The following UFM1 variants were observed in gnomAD, a reference collection of about 807,000 sequenced individuals.
UFM1 encodes the protein ubiquitin fold modifier 1.
Under a neutral mutation model 15.4 loss-of-function variants are expected in UFM1, and 9 were observed. The ratio of observed to expected loss-of-function variants is 0.59; its 90% CI spans 0.35 to 1.02. UFM1 has a LOEUF of 1.02. UFM1 is among the 50% of genes least tolerant of loss of function. The pLI, the probability that UFM1 is intolerant of heterozygous loss-of-function variation, is 0.02. For synonymous variants in UFM1, 27 were observed against 36.3 expected, an observed-to-expected ratio of 0.74 and a Z score of 0.92; for missense variants, 98 against 104.7, an observed-to-expected ratio of 0.94 and a Z score of 0.28.
At position 38,363,251 on chromosome 13, in the gene UFM1, A is replaced by C. The variant is rs768364129; in HGVS notation, c.*2473A>C. On this transcript the variant is annotated 3_prime_UTR_variant, in exon 6 of 6. Transcript: ENST00000239878. ...TCTATGTTTGGATACACAAGTACTT[A>C]CCATCATTTTACAGTTGTTTACAGT... 2 of 152,224 alleles carry C rather than the reference A, an allele frequency of 1.3e-5. No homozygotes were observed. The highest frequency in any genetic ancestry group is 2.9e-5 in the Non-Finnish European group (2 of 68,034). 9.4% of individuals were successfully genotyped at this position (152,224 alleles called of 1,614,324 possible).
rs1311860804 is a variant in UFM1 at position 38,361,374 on chromosome 13, CT to C, written c.*598del. On this transcript the variant is annotated 3_prime_UTR_variant, in exon 6 of 6. Coordinates refer to ENST00000239878, the MANE Select transcript of UFM1 (RefSeq NM_016617.4). ...AAAAAATTAAAATTTTAATCTAACC[CT>C]TATGTGTATAAATTGGTGTCCCATA... The C allele has an allele frequency of 6.6e-6, 1 of 151,932 alleles. No individual in the cohort carries two copies. The highest frequency in any genetic ancestry group is 1.5e-5 in the Non-Finnish European group (1 of 67,984). The allele number at this position is 151,932 out of a possible 1,614,324, so 9.4% of individuals were successfully genotyped here. A position where few individuals can be genotyped will look rare whatever the true frequency, so the allele number is the denominator to read the frequency against.
At chr13:38,360,074 GA>G in intron 5 of UFM1, 1 of 390,398 alleles carries the variant, frequency 2.6e-6, no homozygotes, top group Non-Finnish European at 5.1e-6. Flanking sequence ...TAAAGAAAAT[GA>G]AGTGATTTAA....
At chr13:38,359,240 C>T in intron 4 of UFM1, 61 bp from the exon 5 acceptor site, 3 of 1,539,794 alleles carry the variant, frequency 1.9e-6, no homozygotes, top group South Asian at 1.2e-5. Context: ...TCTTTCCTTG[C>T]TACTATTTAA....
intron 4 of UFM1, 106 bp downstream of exon 4, chr13:38,358,238 A>C: frequency 1.7e-6 from 1 of 581,780 alleles, no homozygotes; most frequent in South Asian, 3.5e-5. Flanking sequence ...GTATATGTAT[A>C]TCAACATAAA....
chr13:38,356,701 CAAAAA>C (rs35105286), intron 3 of UFM1, among the ~76,000 whole-genome samples: 1 of 107,934 alleles, frequency 9.3e-6, no homozygotes, highest in Non-Finnish European at 1.8e-5. Context: ...TTAGTACCAC[CAAAAA>C]AAAAAAAAAA....
At chr13:38,354,372 G>A (rs984359680) in intron 3 of UFM1, 76 bp downstream of exon 3, 3 of 1,327,520 alleles carry the variant, frequency 2.3e-6, no homozygotes, top group Non-Finnish European at 2.1e-6. Context: ...AGAGTTGCAT[G>A]CACTTTGACC....
At chr13:38,350,286 G>A in intron 2 of UFM1, 1 of 1,521,302 alleles carries the variant, frequency 6.6e-7, no homozygotes, top group Admixed American at 1.9e-5. Context: ...GAGGGTGTGG[G>A]TGTGTTTCTG....
chr13:38,356,101 T>G (rs1345540846), intron 3 of UFM1, among the ~76,000 whole-genome samples: 1 of 151,872 alleles, frequency 6.6e-6, no homozygotes, highest in Non-Finnish European at 1.5e-5. Flanking sequence ...AAGGAATAGA[T>G]TCTACATTTT....
At chr13:38,356,521 C>T (rs890872405) in intron 3 of UFM1, among the ~76,000 whole-genome samples, 6 of 151,640 alleles carry the variant, frequency 4.0e-5, no homozygotes, top group African/African-American at 1.5e-4. Context: ...TTAATTTGTA[C>T]ATAATACTAT....
rs1309371188 is a variant in UFM1, at chr13:38,362,873, ACATT to A, written c.*2096_*2099del. 1 of 152,196 alleles carries A rather than the reference ACATT, an allele frequency of 6.6e-6. No individual in the cohort carries two copies. Among genetic ancestry groups the A allele is most frequent in the African/African-American group, 2.4e-5 (1 of 41,452 alleles). The allele number at this position is 152,196 out of a possible 1,614,324, so 9.4% of individuals were successfully genotyped here. On this transcript the variant is annotated 3_prime_UTR_variant, in exon 6 of 6. Coordinates refer to ENST00000239878, the MANE Select transcript of UFM1 (RefSeq NM_016617.4). ...TAAAAACATTTTATTAAACAAGTAG[ACATT>A]TTGTTATTAAAAAAATGTGATCTGT... is the stretch of plus-strand genomic sequence containing the variant.
chr13:38,349,982 C>T lies in UFM1; in HGVS notation c.3-17C>T, dbSNP rs755446233. On this transcript the variant is annotated splice_polypyrimidine_tract_variant and intron_variant, in intron 1 of 5. Transcript: ENST00000239878. Reference sequence around the variant, plus strand: ...TCCAGCTGCCCGACCCTGACTCTCTCCCGCTCTTTTCCTCAGGTCGAAGGT... The same window carrying T: ...TCCAGCTGCCCGACCCTGACTCTCTTCCGCTCTTTTCCTCAGGTCGAAGGT... 1.2e-6 allele frequency: 2 copies of T among 1,613,950 alleles called. No homozygotes were observed. The highest frequency in any genetic ancestry group is 1.3e-5 in the African/African-American group (1 of 74,930).
intron 2 of UFM1, chr13:38,350,300 AG>A: frequency 6.9e-7 from 1 of 1,451,592 alleles, no homozygotes; most frequent in Non-Finnish European, 9.4e-7. Context: ...GTTTCTGATT[AG>A]TGACCTCCCC....
At chr13:38,357,408 C>A (rs545600858) in intron 3 of UFM1, among the ~76,000 whole-genome samples, 2 of 151,882 alleles carry the variant, frequency 1.3e-5, no homozygotes, top group East Asian at 3.9e-4. Context: ...TTGATCTGGG[C>A]ATAAATTGAC....
intron 5 of UFM1, 29 bp downstream of exon 5, chr13:38,359,362 G>C: frequency 1.2e-6 from 2 of 1,609,840 alleles, no homozygotes; most frequent in Non-Finnish European, 1.7e-6. Context: ...ATAGAGGAGT[G>C]GGTGGGGTTA....
chr13:38,350,159 C>T lies in UFM1; in HGVS notation c.59+104C>T, dbSNP rs1396171798. 5.6e-6 allele frequency: 9 copies of T among 1,613,850 alleles called. No individual in the cohort carries two copies. The highest frequency in any genetic ancestry group is 1.1e-5 in the South Asian group (1 of 91,070). On this transcript the variant is annotated intron_variant, in intron 2 of 5. Coordinates refer to ENST00000239878, the MANE Select transcript of UFM1 (RefSeq NM_016617.4). ...CAACTACCCCACGCAGTCTTCATCT[C>T]TTCACTTCATCTACTTTCCTGGCTC...
At chr13:38,355,187 G>A (rs546444408) in intron 3 of UFM1, among the ~76,000 whole-genome samples, 1 of 152,110 alleles carries the variant, frequency 6.6e-6, no homozygotes, top group East Asian at 1.9e-4. Context: ...ACACAATCCT[G>A]CCCTGTACTT....
chr13:38,359,877 T>A (rs1049748225), intron 5 of UFM1: 5 of 178,536 alleles, frequency 2.8e-5, no homozygotes, highest in African/African-American at 1.2e-4. Flanking sequence ...CTAAAACTTT[T>A]TTAAAATTAG....
intron 5 of UFM1, among the ~76,000 whole-genome samples, chr13:38,360,357 A>C (rs1177115315): frequency 6.6e-6 from 1 of 152,040 alleles, no homozygotes; most frequent in Non-Finnish European, 1.5e-5. Flanking sequence ...CAAATATGTC[A>C]GGGTATCTAA....
intron 2 of UFM1, among the ~76,000 whole-genome samples, chr13:38,351,576 T>A (rs980724173): frequency 6.6e-6 from 1 of 152,200 alleles, no homozygotes; most frequent in African/African-American, 2.4e-5. Context: ...GAGCTATAGT[T>A]CCCATCTATT....
Sources: allele counts gnomAD v4.1 joint callset (sites outside exome capture counted in the v4.1 genomes callset), GRCh38; gene constraint gnomAD v4.1.1; transcripts MANE v1.5; gene names NCBI Gene and HGNC (gene_info 2026-07-23, HGNC 2026-07-21).